SLC12A8: variants seen among roughly 807,000 people sequenced by gnomAD.
The protein encoded by SLC12A8 is cation-chloride cotransporter 9.
SLC12A8 carries 69 observed loss-of-function variants against 75.6 expected under a neutral mutation model. The observed-to-expected ratio is 0.91, with a 90% CI of 0.75 to 1.11. SLC12A8 has a LOEUF of 1.11. Ranked by LOEUF, SLC12A8 falls within the 50% of genes most tolerant of loss-of-function variation. The probability of loss-of-function intolerance (pLI) is 0.00; values close to 1 mark genes in which losing one functional copy is unlikely to be tolerated. For synonymous variants in SLC12A8, 365 were observed against 372.8 expected (o/e 0.98, Z 0.24); for missense variants, 877 against 896.7 (o/e 0.98, Z 0.28).
intron 5 of SLC12A8, among the ~76,000 whole-genome samples, chr3:125,154,425 C>A (rs1330949578): frequency 3.9e-5 from 6 of 152,180 alleles, no homozygotes; most frequent in Non-Finnish European, 5.9e-5. Flanking sequence ...AATCTAACCT[C>A]TCTGAACATC....
rs561974577 is a variant in SLC12A8, at chr3:125,087,013, T to C, written c.1982+1297A>G. 2.0e-5 allele frequency among the ~76,000 whole-genome samples: 3 copies of C among 152,160 alleles called. No homozygotes were observed. In the South Asian group the frequency reaches 6.2e-4, roughly 32 times the overall value. ...GCATGGTGATGATAGCACAGCAACG[T>C]GAATGTCCTTAATGCCACTGAACTG... On this transcript the variant is annotated intron_variant, in intron 13 of 13. Coordinates refer to ENST00000469902, the MANE Select transcript of SLC12A8 (RefSeq NM_024628.6).
chr3:125,107,727 C>G lies in SLC12A8; in HGVS notation c.1459G>C (p.Glu487Gln). The G allele has an allele frequency of 6.2e-7, 1 of 1,614,146 alleles. No individual in the cohort carries two copies. Reference sequence around the variant, plus strand: ...TTCTTGCTTTTCCTCTTCTGACTTTCTGGGGTCCTGTTACCCTCTCCTTGC... The same window carrying G: ...TTCTTGCTTTTCCTCTTCTGACTTTGTGGGGTCCTGTTACCCTCTCCTTGC... ...PRQGEGNRTP[E>Q]SQKRKSKKAT... Residue 487 changes from glutamate (E) to glutamine (Q), a missense_variant, in exon 10 of 14, where the codon GAA (glutamate) becomes CAA (glutamine). Physicochemically the swap from Glu to Gln is conservative, Grantham distance 29. Transcript: ENST00000469902.
At position 125,187,405 on chromosome 3, in the gene SLC12A8, G is replaced by A; in HGVS notation, c.222C>T (p.Gly74=). The A allele has an allele frequency of 1.9e-6, 3 of 1,614,172 alleles. No individual in the cohort carries two copies. Among genetic ancestry groups the A allele is most frequent in the Non-Finnish European group, 2.5e-6 (3 of 1,180,018 alleles). The change falls in exon 4 of 14, where the codon GGC becomes GGT. Residue 74 remains glycine, a synonymous_variant. Transcript: ENST00000469902. ...WLVGNTGVLL[G]MFLVSFVILV... ...GGATGACGAAGGACACCAGGAACATGCCCAGGAGCACTCCTGTGTTTCCCT... is the reference window on the plus strand; with the variant it reads ...GGATGACGAAGGACACCAGGAACATACCCAGGAGCACTCCTGTGTTTCCCT...
intron 10 of SLC12A8, among the ~76,000 whole-genome samples, chr3:125,100,336 A>G (rs952950086): frequency 6.6e-6 from 1 of 152,208 alleles, no homozygotes; most frequent in African/African-American, 2.4e-5. Context: ...GTGTACATAC[A>G]CCTAATTATC....
At chr3:125,121,416 A>C (rs146038041) in intron 6 of SLC12A8, among the ~76,000 whole-genome samples, 2 of 152,276 alleles carry the variant, frequency 1.3e-5, no homozygotes, top group Admixed American at 1.3e-4. Context: ...TGCCATAACA[A>C]CTCAGTGTGA....
intron 1 of SLC12A8, among the ~76,000 whole-genome samples, chr3:125,212,078 A>G (rs1489650971): frequency 6.6e-6 from 1 of 151,656 alleles, no homozygotes; most frequent in Non-Finnish European, 1.5e-5. Flanking sequence ...GGGGCTCAGG[A>G]CCCTTTGGTA....
chr3:125,158,572 T>C (rs1420322753), intron 5 of SLC12A8, among the ~76,000 whole-genome samples: 1 of 152,212 alleles, frequency 6.6e-6, no homozygotes, highest in Non-Finnish European at 1.5e-5. Context: ...TAAGATCCTC[T>C]TTAGACAACT....
chr3:125,148,040 G>C (rs911890851), intron 5 of SLC12A8, among the ~76,000 whole-genome samples: 1 of 152,226 alleles, frequency 6.6e-6, no homozygotes, highest in Non-Finnish European at 1.5e-5. Context: ...GAAACAAAGA[G>C]AGCAGGTCAG....
At chr3:125,176,654 A>C (rs1384862037) in intron 5 of SLC12A8, among the ~76,000 whole-genome samples, 1 of 152,158 alleles carries the variant, frequency 6.6e-6, no homozygotes, top group Non-Finnish European at 1.5e-5. Flanking sequence ...CCTATCAAAA[A>C]GGGGGCAAAG....
intron 2 of SLC12A8, among the ~76,000 whole-genome samples, chr3:125,200,411 T>A (rs1320804595): frequency 1.3e-5 from 2 of 152,210 alleles, no homozygotes; most frequent in Admixed American, 1.3e-4. Context: ...ATCGTGCCAC[T>A]GTACTCCAGC....
At chr3:125,129,834 C>T (rs1485979923) in intron 6 of SLC12A8, among the ~76,000 whole-genome samples, 10 of 152,216 alleles carry the variant, frequency 6.6e-5, no homozygotes. Flanking sequence ...ACCATTCGTC[C>T]TGCCTATTGT....
chr3:125,085,724 G>A (rs560838966), intron 13 of SLC12A8, among the ~76,000 whole-genome samples: 2 of 151,836 alleles, frequency 1.3e-5, no homozygotes, highest in South Asian at 2.1e-4. Context: ...TTACAGGTGT[G>A]CACCACCACA....
chr3:125,134,728 G>T (rs1375376678), intron 6 of SLC12A8, among the ~76,000 whole-genome samples: 1 of 152,172 alleles, frequency 6.6e-6, no homozygotes, highest in Non-Finnish European at 1.5e-5. Flanking sequence ...ACACTTGTAT[G>T]GACAATCTTC....
Position 125,190,445 on chromosome 3 carries a change from T to A in SLC12A8, c.128A>T (p.Asp43Val). The A allele has an allele frequency of 1.2e-6, 2 of 1,614,160 alleles. No individual in the cohort carries two copies. Among genetic ancestry groups the A allele is most frequent in the Non-Finnish European group, 1.7e-6 (2 of 1,180,030 alleles). Reference protein sequence around the residue: ...MWEPVLFGTWDGVFTSCMINI... With the variant: ...MWEPVLFGTWVGVFTSCMINI... Reference sequence around the variant, plus strand: ...GATCATGCAGGATGTGAACACACCATCCCAGGTCCCAAACAGCACAGGCTC... The same window carrying A: ...GATCATGCAGGATGTGAACACACCAACCCAGGTCCCAAACAGCACAGGCTC... The change falls in exon 3 of 14, where the codon GAT becomes GTT. Residue 43 changes from aspartate (D) to valine (V), a missense_variant. Transcript: ENST00000469902.
At chr3:125,088,694 T>G (rs542856912) in intron 12 of SLC12A8, among the ~76,000 whole-genome samples, 5 of 152,348 alleles carry the variant, frequency 3.3e-5, no homozygotes, top group African/African-American at 1.2e-4. Flanking sequence ...TTTGATAAAT[T>G]TTTTAAGATT....
intron 6 of SLC12A8, among the ~76,000 whole-genome samples, chr3:125,122,043 A>C (rs1177400085): frequency 6.6e-6 from 1 of 152,238 alleles, no homozygotes; most frequent in Non-Finnish European, 1.5e-5. Flanking sequence ...GGGTTGGTTA[A>C]ATAAGTGATG....
chr3:125,101,788 C>T (rs889242724), intron 10 of SLC12A8, among the ~76,000 whole-genome samples: 8 of 152,140 alleles, frequency 5.3e-5, no homozygotes, highest in Non-Finnish European at 1.0e-4. Context: ...GGTTTGTCAA[C>T]GATTAGGTTC....
chr3:125,175,343 A>T (rs1934496727), intron 5 of SLC12A8, among the ~76,000 whole-genome samples: 1 of 152,168 alleles, frequency 6.6e-6, no homozygotes, highest in African/African-American at 2.4e-5. Flanking sequence ...TGGATTTTTA[A>T]CCACAAAGAA....
Position 125,110,261 on chromosome 3 carries a change from A to T in SLC12A8, c.987T>A (p.Tyr329Ter). 1 of 1,614,086 alleles carries T rather than the reference A, an allele frequency of 6.2e-7. No homozygotes were observed. The highest frequency in any genetic ancestry group is 8.5e-7 in the Non-Finnish European group (1 of 1,179,934). Residue 329 changes from tyrosine to a stop codon, truncating the protein, a stop_gained, in exon 9 of 14, where the codon TAT (tyrosine) becomes TAA (stop). Coordinates refer to ENST00000469902, the MANE Select transcript of SLC12A8 (RefSeq NM_024628.6). LOFTEE classifies it high-confidence loss of function. Reference sequence around the variant, plus strand: ...TGCACTGCAGGATGCGGGGAGCTCCATAAAGTCCTCCCATGCAGGAAGCCA... The same window carrying T: ...TGCACTGCAGGATGCGGGGAGCTCCTTAAAGTCCTCCCATGCAGGAAGCCA... ...SSLASCMGGL[Y>*]GAPRILQCIA...
Sources: gnomAD v4.1 joint callset for allele counts (sites outside exome capture counted in the v4.1 genomes callset) on GRCh38, gnomAD v4.1.1 for gene constraint, MANE v1.5 for transcripts, NCBI Gene and HGNC (gene_info 2026-07-23, HGNC 2026-07-21) for gene names.